Variants in USP34 observed in about 807,000 individuals in gnomAD.
USP34 encodes the protein ubiquitin specific peptidase 34.
USP34 carries 70 observed loss-of-function variants against 460.3 expected under a neutral mutation model. The ratio of observed to expected loss-of-function variants is 0.15; its 90% confidence interval spans 0.13 to 0.19. USP34 has a LOEUF of 0.19. Ranked by LOEUF, USP34 falls within the 10% of genes least tolerant of loss-of-function variation. The probability of loss-of-function intolerance (pLI) is 1.00; values close to 1 mark genes in which losing one functional copy is unlikely to be tolerated. For synonymous variants in USP34, 1,647 were observed against 1,405.3 expected (o/e 1.17, Z -3.85); for missense variants, 3,985 against 4,236.2 (o/e 0.94, Z 1.65).
intron 44 of USP34, among the ~76,000 whole-genome samples, chr2:61,259,224 A>C (rs1204180999): frequency 6.6e-6 from 1 of 152,094 alleles, no homozygotes; most frequent in East Asian, 1.9e-4. Context: ...ACACCACTGC[A>C]CTCCAGCCTG....
At chr2:61,411,905 A>C (rs894740146) in intron 2 of USP34, among the ~76,000 whole-genome samples, 1 of 152,120 alleles carries the variant, frequency 6.6e-6, no homozygotes, top group East Asian at 1.9e-4. Context: ...AACAAACAGT[A>C]AGGGCGGGCG....
chr2:61,241,783 C>A lies in USP34; in HGVS notation c.6664G>T (p.Asp2222Tyr). The change falls in exon 52 of 80, where the codon GAC becomes TAC. Residue 2222 changes from aspartate (D) to tyrosine (Y), a missense_variant. Asp to Tyr is a radical substitution (Grantham distance 160). Coordinates refer to ENST00000398571, the MANE Select transcript of USP34 (RefSeq NM_014709.4). The stretch of plus-strand genomic sequence containing the variant: ...ATGGTTACCTTTTCAAAAGAGAAGT[C>A]CATAAATTTATCTGTAACAGAATCA... The part of the protein sequence containing the change: ...TYDSVTDKFM[D>Y]FSFEKTHSAY... 1 of 1,536,680 alleles carries A rather than the reference C, an allele frequency of 6.5e-7. No individual in the cohort carries two copies. Among genetic ancestry groups the A allele is most frequent in the Non-Finnish European group, 8.8e-7 (1 of 1,138,270 alleles).
chr2:61,370,467 GA>G, intron 9 of USP34, 30 bp downstream of exon 9: 1 of 1,610,562 alleles, frequency 6.2e-7, no homozygotes, highest in Non-Finnish European at 8.5e-7. Context: ...TCTATCAATA[GA>G]ACAGAGAAGT....
chr2:61,374,174 A>C (rs1200955207), intron 8 of USP34, among the ~76,000 whole-genome samples: 6 of 151,494 alleles, frequency 4.0e-5, no homozygotes, highest in Non-Finnish European at 8.8e-5. Context: ...AAAAAAAAAA[A>C]AAAACAGAGA....
chr2:61,372,001 T>C (rs1572977467), intron 8 of USP34, among the ~76,000 whole-genome samples: 1 of 152,196 alleles, frequency 6.6e-6, no homozygotes, highest in Non-Finnish European at 1.5e-5. Context: ...CACCTCATGA[T>C]GCATTTCTCA....
chr2:61,407,148 G>T (rs771830024), intron 2 of USP34, among the ~76,000 whole-genome samples: 1 of 152,246 alleles, frequency 6.6e-6, no homozygotes, highest in African/African-American at 2.4e-5. Flanking sequence ...CACTTTGGGA[G>T]ACCAAGGTGG....
chr2:61,424,932 T>A (rs1694467322), intron 1 of USP34, among the ~76,000 whole-genome samples: 1 of 152,032 alleles, frequency 6.6e-6, no homozygotes, highest in South Asian at 2.1e-4. Context: ...CAGGTTCAAG[T>A]GATTCTCCTG....
intron 1 of USP34, among the ~76,000 whole-genome samples, chr2:61,440,849 C>T (rs1477536613): frequency 2.0e-5 from 3 of 149,538 alleles, no homozygotes; most frequent in East Asian, 4.3e-4. Flanking sequence ...AAAAAAATTT[C>T]GGGTGCAGTG....
chr2:61,421,166 C>G (rs1280386667), intron 1 of USP34, among the ~76,000 whole-genome samples: 1 of 152,156 alleles, frequency 6.6e-6, no homozygotes, highest in African/African-American at 2.4e-5. Context: ...AGATCTTGTT[C>G]TCCAGTGCCT....
At chr2:61,206,610 A>T in intron 71 of USP34, 150 bp downstream of exon 71, 1 of 1,020,222 alleles carries the variant, frequency 9.8e-7, no homozygotes, top group Non-Finnish European at 1.4e-6. Flanking sequence ...GGAGTTCATG[A>T]CAAACATTTC....
intron 15 of USP34, among the ~76,000 whole-genome samples, chr2:61,347,643 G>C (rs1185466303): frequency 6.6e-6 from 1 of 152,080 alleles, no homozygotes; most frequent in Non-Finnish European, 1.5e-5. Context: ...CAAAGTGCTG[G>C]GATTATAGGT....
In USP34 at chr2:61,357,700, A is replaced by G. The variant is rs1431376650; in HGVS notation, c.1252-7007T>C. 3.3e-5 allele frequency among the ~76,000 whole-genome samples: 5 copies of G among 151,606 alleles called. No individual in the cohort carries two copies. In the East Asian group the frequency reaches 5.8e-4, roughly 17 times the overall value. ...AAGACTGCTTTACATCAGAAGTTCA[A>G]TACCAACCTGAGCAACACGGTGAAA... On this transcript the variant is annotated intron_variant, in intron 10 of 79. Transcript: ENST00000398571.
chr2:61,292,111 A>G (rs1203591261), intron 33 of USP34, among the ~76,000 whole-genome samples: 1 of 152,176 alleles, frequency 6.6e-6, no homozygotes, highest in East Asian at 1.9e-4. Flanking sequence ...CTGGAATTAG[A>G]TGCTGGTCAT....
At chr2:61,453,096 C>A (rs1047088688) in intron 1 of USP34, among the ~76,000 whole-genome samples, 1 of 152,022 alleles carries the variant, frequency 6.6e-6, no homozygotes. Context: ...TAGAAGGTAA[C>A]TGAAAATCAG....
At chr2:61,262,119 AT>A (rs2103908612) in intron 43 of USP34, among the ~76,000 whole-genome samples, 4 of 55,698 alleles carry the variant, frequency 7.2e-5, no homozygotes, top group African/African-American at 3.9e-4. Flanking sequence ...AAAAAAAAAT[AT>A]ATATATATAT....
chr2:61,407,165 C>T (rs1206823031), intron 2 of USP34, among the ~76,000 whole-genome samples: 2 of 152,148 alleles, frequency 1.3e-5, no homozygotes. Flanking sequence ...GTGGGAGGAT[C>T]GCTTAAGTCC....
intron 41 of USP34, among the ~76,000 whole-genome samples, chr2:61,270,345 T>C (rs769759373): frequency 6.6e-6 from 1 of 152,214 alleles, no homozygotes; most frequent in African/African-American, 2.4e-5. Context: ...CAAGACACTG[T>C]GAATCTGCCA....
intron 1 of USP34, among the ~76,000 whole-genome samples, chr2:61,440,109 A>C (rs1694923312): frequency 6.6e-6 from 1 of 151,896 alleles, no homozygotes; most frequent in South Asian, 2.1e-4. Context: ...TGAGTGCTAC[A>C]CAGAAAGCCA....
intron 20 of USP34, among the ~76,000 whole-genome samples, chr2:61,328,801 G>C (rs966630149): frequency 1.3e-5 from 2 of 152,124 alleles, no homozygotes; most frequent in African/African-American, 4.8e-5. Flanking sequence ...CTTAACGTTG[G>C]ACTTTCTCTT....
Sources: gnomAD v4.1 joint callset for allele counts (sites outside exome capture counted in the v4.1 genomes callset) on GRCh38, gnomAD v4.1.1 for gene constraint, MANE v1.5 for transcripts, NCBI Gene and HGNC (gene_info 2026-07-23, HGNC 2026-07-21) for gene names.